The following EPHA3 variants were observed in gnomAD, a reference collection of about 807,000 sequenced individuals.
The protein encoded by EPHA3 is EPH receptor A3.
EPHA3 carries 42 observed loss-of-function variants against 107.1 expected under a neutral mutation model. That is an observed-to-expected ratio of 0.39 (90% CI 0.31 to 0.51). EPHA3 has a LOEUF of 0.51. Among genes scored for constraint, EPHA3 ranks in the 20% least tolerant of loss-of-function variants. EPHA3 has a pLI of 0.78. For missense variants in EPHA3, 1,183 were observed against 1,211.2 expected (o/e 0.98, Z 0.35); for synonymous variants, 461 against 424.8 (o/e 1.09, Z -1.05).
At chr3:89,192,215 A>C (rs1157515135) in intron 2 of EPHA3, among the ~76,000 whole-genome samples, 1 of 152,170 alleles carries the variant, frequency 6.6e-6, no homozygotes, top group African/African-American at 2.4e-5. Flanking sequence ...GTCCAGATCC[A>C]AGAGGAGAAT....
At chr3:89,356,000 C>T (rs1386529263) in intron 5 of EPHA3, among the ~76,000 whole-genome samples, 2 of 114,910 alleles carry the variant, frequency 1.7e-5, no homozygotes, top group African/African-American at 6.3e-5. Flanking sequence ...CACCCCACAA[C>T]AGTCCCCAGA....
chr3:89,270,515 G>C (rs1395861101), intron 3 of EPHA3, among the ~76,000 whole-genome samples: 1 of 152,014 alleles, frequency 6.6e-6, no homozygotes, highest in Non-Finnish European at 1.5e-5. Context: ...ATGCAATAAT[G>C]TTTTAAATTG....
chr3:89,376,346 T>C (rs977598431), intron 5 of EPHA3, among the ~76,000 whole-genome samples: 3 of 151,696 alleles, frequency 2.0e-5, no homozygotes, highest in Non-Finnish European at 4.4e-5. Flanking sequence ...TATATAAATA[T>C]ATATATATAC....
chr3:89,375,945 A>G (rs1483932659), intron 5 of EPHA3, among the ~76,000 whole-genome samples: 3 of 151,966 alleles, frequency 2.0e-5, no homozygotes, highest in Non-Finnish European at 2.9e-5. Flanking sequence ...AGATCTCCAT[A>G]AAGGCAGGCG....
chr3:89,392,813 T>A (rs1708772155), intron 5 of EPHA3, among the ~76,000 whole-genome samples: 1 of 151,888 alleles, frequency 6.6e-6, no homozygotes, highest in Admixed American at 6.6e-5. Flanking sequence ...AAAAGCATAA[T>A]TTGTATCACT....
At chr3:89,439,513 G>A (rs1709740692) in intron 13 of EPHA3, among the ~76,000 whole-genome samples, 1 of 151,984 alleles carries the variant, frequency 6.6e-6, no homozygotes, top group South Asian at 2.1e-4. Flanking sequence ...ATTGCAAATT[G>A]TCAGTATCCC....
chr3:89,470,713 A>G (rs1174573481), intron 15 of EPHA3, among the ~76,000 whole-genome samples: 1 of 152,212 alleles, frequency 6.6e-6, no homozygotes, highest in Non-Finnish European at 1.5e-5. Flanking sequence ...TGCAATATGA[A>G]CAAAGTTTTA....
At chr3:89,188,249 C>T (rs561857732) in intron 2 of EPHA3, among the ~76,000 whole-genome samples, 5 of 152,254 alleles carry the variant, frequency 3.3e-5, no homozygotes, top group African/African-American at 4.8e-5. Context: ...AAGCCAGCTA[C>T]GATCTCGTTC....
At position 89,408,147 on chromosome 3, in the gene EPHA3, T is replaced by C; in HGVS notation, c.1762+16T>C. 6.2e-7 allele frequency: 1 copy of C among 1,611,918 alleles called. No individual in the cohort carries two copies. The stretch of plus-strand genomic sequence containing the variant: ...AATGGGCATTGTAAGTTTCTAAACT[T>C]GGCTTTTTGTTTTGCTTCACCGTTT... On this transcript the variant is annotated intron_variant, in intron 9 of 16. Coordinates refer to ENST00000336596, the MANE Select transcript of EPHA3 (RefSeq NM_005233.6).
rs541909426 is a variant in EPHA3, at chr3:89,363,989, T to A, written c.1306+21899T>A. On this transcript the variant is annotated intron_variant, in intron 5 of 16. Coordinates refer to ENST00000336596, the MANE Select transcript of EPHA3 (RefSeq NM_005233.6). ...ACCACTTATCAATAGCAATGTAAAC[T>A]GACAAACTGCTTTGTGGAAAAGGCA... is the stretch of plus-strand genomic sequence containing the variant. Among the ~76,000 whole-genome samples, 226 of 150,926 alleles carry A rather than the reference T, an allele frequency of 1.5e-3. 3 individuals carry two copies. Among genetic ancestry groups the A allele is most frequent in the African/African-American group, 4.9e-3 (201 of 41,422 alleles).
intron 5 of EPHA3, among the ~76,000 whole-genome samples, chr3:89,357,132 A>C (rs1707978919): frequency 6.9e-6 from 1 of 145,550 alleles, no homozygotes; most frequent in Non-Finnish European, 1.5e-5. Flanking sequence ...AAAAAAAAAA[A>C]AAAAGCACAA....
intron 5 of EPHA3, among the ~76,000 whole-genome samples, chr3:89,382,332 G>A (rs1708526694): frequency 6.6e-6 from 1 of 151,684 alleles, no homozygotes; most frequent in Admixed American, 6.6e-5. Flanking sequence ...ACATGGTGAA[G>A]CCTTGTCTCT....
At chr3:89,219,600 T>A (rs1450883421) in intron 3 of EPHA3, among the ~76,000 whole-genome samples, 2 of 151,294 alleles carry the variant, frequency 1.3e-5, no homozygotes, top group Non-Finnish European at 2.9e-5. Flanking sequence ...TTAATACAGA[T>A]CATTCCAGGG....
chr3:89,398,019 A>C (rs1186547875), intron 6 of EPHA3, among the ~76,000 whole-genome samples: 1 of 152,204 alleles, frequency 6.6e-6, no homozygotes, highest in Non-Finnish European at 1.5e-5. Flanking sequence ...TGCATCACAT[A>C]TACCTAAATT....
intron 3 of EPHA3, among the ~76,000 whole-genome samples, chr3:89,319,089 G>A (rs1706979559): frequency 6.6e-6 from 1 of 151,888 alleles, no homozygotes; most frequent in Non-Finnish European, 1.5e-5. Flanking sequence ...CTCCTTGCCA[G>A]TATCACTTAT....
chr3:89,329,205 C>A (rs1266746890), intron 3 of EPHA3, among the ~76,000 whole-genome samples: 2 of 152,012 alleles, frequency 1.3e-5, no homozygotes, highest in East Asian at 3.9e-4. Context: ...TACACACATA[C>A]CCTCGGCGTG....
intron 2 of EPHA3, among the ~76,000 whole-genome samples, chr3:89,169,877 C>T (rs1705170812): frequency 6.6e-6 from 1 of 152,092 alleles, no homozygotes; most frequent in South Asian, 2.1e-4. Flanking sequence ...TACCTGAAGC[C>T]TTTGTTAATT....
chr3:89,402,990 G>A (rs1180252571), intron 7 of EPHA3, among the ~76,000 whole-genome samples: 2 of 152,006 alleles, frequency 1.3e-5, no homozygotes, highest in Non-Finnish European at 2.9e-5. Flanking sequence ...TTTTAATTTT[G>A]TAATTACATA....
At chr3:89,472,712 T>C in intron 16 of EPHA3, 93 bp downstream of exon 16, 1 of 1,377,558 alleles carries the variant, frequency 7.3e-7, no homozygotes, top group African/African-American at 1.4e-5. Context: ...GCTTGACATG[T>C]TACAAATATT....
Sources: gnomAD v4.1 joint callset for allele counts (sites outside exome capture counted in the v4.1 genomes callset) on GRCh38, gnomAD v4.1.1 for gene constraint, MANE v1.5 for transcripts, NCBI Gene and HGNC (gene_info 2026-07-23, HGNC 2026-07-21) for gene names.